The following PACS2 variants were observed in gnomAD, a reference collection of about 807,000 sequenced individuals.
The protein encoded by PACS2 is PACS1-like protein.
A neutral mutation model predicts 113.0 loss-of-function variants in PACS2; 36 were observed. That is an observed-to-expected ratio of 0.32 (90% CI 0.24 to 0.42). The LOEUF (loss-of-function observed/expected upper bound fraction) is 0.42. PACS2 is among the 10% of genes least tolerant of loss of function. The probability of loss-of-function intolerance (pLI) is 1.00; values close to 1 mark genes in which losing one functional copy is unlikely to be tolerated. For synonymous variants in PACS2, 589 were observed against 536.1 expected, an observed-to-expected ratio of 1.10 and a Z score of -1.36; for missense variants, 1,015 against 1,239.5, an observed-to-expected ratio of 0.82 and a Z score of 2.72.
intron 1 of PACS2, among the ~76,000 whole-genome samples, chr14:105,345,411 A>G (rs2059889233): frequency 6.6e-6 from 1 of 151,300 alleles, no homozygotes; most frequent in African/African-American, 2.4e-5. Flanking sequence ...CGTCTTGAGA[A>G]AAAAAAAAAT....
At chr14:105,334,176 T>C in intron 1 of PACS2, among the ~76,000 whole-genome samples, 1 of 152,208 alleles carries the variant, frequency 6.6e-6, no homozygotes, top group East Asian at 1.9e-4. Context: ...CCTCCTGCGT[T>C]GGGCTCATCT....
intron 1 of PACS2, among the ~76,000 whole-genome samples, chr14:105,341,612 C>G (rs181258377): frequency 6.6e-6 from 1 of 152,206 alleles, no homozygotes; most frequent in Non-Finnish European, 1.5e-5. Flanking sequence ...CTTTAGGCCT[C>G]GCTCTCAGAA....
At position 105,397,269 on chromosome 14, in the gene PACS2, G is replaced by A. The variant is rs782017370; in HGVS notation, c.*2597G>A. On this transcript the variant is annotated 3_prime_UTR_variant, in exon 25 of 25. Transcript: ENST00000447393. ...CCTACCTCACAGAGCTGTTCTGAGGGTGCATGGAGGAGCACTCTGTCCCAC... is the reference window on the plus strand; with the variant it reads ...CCTACCTCACAGAGCTGTTCTGAGGATGCATGGAGGAGCACTCTGTCCCAC... 1.3e-5 allele frequency: 2 copies of A among 152,364 alleles called. No homozygotes were observed. The highest frequency in any genetic ancestry group is 4.8e-5 in the African/African-American group (2 of 41,458). The allele number at this position is 152,364 out of a possible 1,614,324, so 9.4% of individuals were successfully genotyped here.
Position 105,355,012 on chromosome 14 carries a change from C to G in PACS2, c.298-40C>G, listed in dbSNP as rs782483501. On this transcript the variant is annotated intron_variant, in intron 3 of 24. Coordinates refer to ENST00000447393, the MANE Select transcript of PACS2 (RefSeq NM_001100913.3). The surrounding 1 kb of genome is among the most constrained non-coding windows in gnomAD (Gnocchi z 4.1). ...AGAGGCCGTGATGCTGCCTGGGGCC[C>G]CGGTGCACCCTCAGCTGCCACTCGC... 4 of 1,603,714 alleles carry G rather than the reference C, an allele frequency of 2.5e-6. 1 individual carries two copies. The South Asian group carries it at 4.5e-5, about 18-fold the overall frequency.
In PACS2 at chr14:105,356,041, G is replaced by T. The variant is rs782781120; in HGVS notation, c.423+864G>T. 1.3e-5 allele frequency among the ~76,000 whole-genome samples: 2 copies of T among 152,160 alleles called. No individual in the cohort carries two copies. Among genetic ancestry groups the T allele is most frequent in the Non-Finnish European group, 2.9e-5 (2 of 68,016 alleles). On this transcript the variant is annotated intron_variant, in intron 4 of 24. Coordinates refer to ENST00000447393, the MANE Select transcript of PACS2 (RefSeq NM_001100913.3). The surrounding 1 kb of genome is among the most constrained non-coding windows in gnomAD (Gnocchi z 4.0). ...CTGGGGCCTGGGAAGGTCAGCCAGC[G>T]CAGCCCCTCATTGGGAGCCGGAGAT...
At chr14:105,327,002 C>T (rs777149286) in intron 1 of PACS2, among the ~76,000 whole-genome samples, 6 of 152,216 alleles carry the variant, frequency 3.9e-5, no homozygotes, top group Admixed American at 6.5e-5. Context: ...TCACTACACC[C>T]GAATCGACGC....
At position 105,384,995 on chromosome 14, in the gene PACS2, G is replaced by A. The variant is rs370253360; in HGVS notation, c.2000+8G>A. The A allele has an allele frequency of 1.3e-5, 20 of 1,501,448 alleles. No individual in the cohort carries two copies. Among genetic ancestry groups the A allele is most frequent in the African/African-American group, 1.1e-4 (8 of 72,572 alleles). 93.0% of individuals were successfully genotyped at this position (1,501,448 alleles called of 1,614,324 possible). A position where few individuals can be genotyped will look rare whatever the true frequency, so the allele number is the denominator to read the frequency against. ...GACCTACAAGCAGAAGAGGTAACGC[G>A]GTGGGCCCAGGCACCATACCACAGG... On this transcript the variant is annotated splice_region_variant and intron_variant, in intron 18 of 24. Coordinates refer to ENST00000447393, the MANE Select transcript of PACS2 (RefSeq NM_001100913.3).
At chr14:105,360,352 CAATATGGTGA>C (rs1322090169) in intron 4 of PACS2, among the ~76,000 whole-genome samples, 1 of 151,726 alleles carries the variant, frequency 6.6e-6, no homozygotes, top group Admixed American at 6.6e-5. Context: ...CCAGCCTGGC[CAATATGGTGA>C]AATGTCGTCT....
intron 8 of PACS2, chr14:105,371,255 A>T (rs2061141538): frequency 6.6e-6 from 1 of 152,278 alleles, no homozygotes; most frequent in Non-Finnish European, 1.5e-5. Flanking sequence ...GACTTAGCCA[A>T]GTCGGCTCCC....
chr14:105,391,228 G>A lies in PACS2; in HGVS notation c.2098G>A (p.Glu700Lys), dbSNP rs587750276. 6.2e-6 allele frequency: 10 copies of A among 1,613,406 alleles called. No individual in the cohort carries two copies. In the South Asian group the frequency reaches 1.1e-4, roughly 18 times the overall value. ...FVGVVKVGIV[E>K]PSSATSGDSD... ...CTAGGTTGTGAAGGTTGGAATTGTG[G>A]AGCCATCCTCGGCCACATCAGGTAA... Residue 700 changes from glutamate to lysine, a missense_variant, in exon 21 of 25, where the codon GAG becomes AAG. Glu to Lys is a moderately conservative substitution (Grantham distance 56, BLOSUM62 1). Coordinates refer to ENST00000447393, the MANE Select transcript of PACS2 (RefSeq NM_001100913.3).
In PACS2 at chr14:105,370,184, T is replaced by A. The variant is rs1555409065; in HGVS notation, c.801+284T>A. On this transcript the variant is annotated intron_variant, in intron 8 of 24. Coordinates refer to ENST00000447393, the MANE Select transcript of PACS2 (RefSeq NM_001100913.3). ...CCATTAGTTTGTGTGTTTTTTTTTTTATAAATAGACTTTAGTTTTTAGAGC... is the reference window on the plus strand; with the variant it reads ...CCATTAGTTTGTGTGTTTTTTTTTTAATAAATAGACTTTAGTTTTTAGAGC... 1.2e-5 allele frequency: 4 copies of A among 326,186 alleles called. No homozygotes were observed. The East Asian group carries it at 1.7e-4, about 14-fold the overall frequency. 20.2% of individuals were successfully genotyped at this position (326,186 alleles called of 1,614,324 possible).
At chr14:105,313,569 T>G (rs1025468952), upstream of PACS2, among the ~76,000 whole-genome samples, 1 of 152,196 alleles carries the variant, frequency 6.6e-6, no homozygotes, top group Non-Finnish European at 1.5e-5. Flanking sequence ...CTGAGCTCTC[T>G]CAACGGAGGA....
chr14:105,376,692 T>C lies in PACS2; in HGVS notation c.802-76T>C. The C allele has an allele frequency of 1.4e-6, 2 of 1,440,312 alleles. No individual in the cohort carries two copies. Among genetic ancestry groups the C allele is most frequent in the Admixed American group, 1.9e-5 (1 of 53,386 alleles). The allele number at this position is 1,440,312 out of a possible 1,614,324, so 89.2% of individuals were successfully genotyped here. A position where few individuals can be genotyped will look rare whatever the true frequency, so the allele number is the denominator to read the frequency against. Reference sequence around the variant, plus strand: ...CCCGCCTCCTATTGCTCCTGCAGACTCTGGGGTCTCGGGCGCCCCCAGTGG... The same window carrying C: ...CCCGCCTCCTATTGCTCCTGCAGACCCTGGGGTCTCGGGCGCCCCCAGTGG... On this transcript the variant is annotated intron_variant, in intron 8 of 24. Transcript: ENST00000447393. This position sits in a 1 kb window ranked among gnomAD's most constrained non-coding sequence, Gnocchi z 4.7.
intron 17 of PACS2, 129 bp from the exon 18 acceptor site, chr14:105,384,750 C>T: frequency 1.5e-6 from 1 of 677,820 alleles, no homozygotes; most frequent in Non-Finnish European, 2.7e-6. Flanking sequence ...CCCTCAGCTG[C>T]AACCAGCGAG....
rs1555405286 is a variant in PACS2 at position 105,356,185 on chromosome 14, C to T, written c.423+1008C>T. ...CCCCCACACCCCCAGGCCCAGCCTG[C>T]AGGCCTCCTGTCTCCCAGGTCAAGC... is the stretch of plus-strand genomic sequence containing the variant. On this transcript the variant is annotated intron_variant, in intron 4 of 24. Coordinates refer to ENST00000447393, the MANE Select transcript of PACS2 (RefSeq NM_001100913.3). The surrounding 1 kb of genome is among the most constrained non-coding windows in gnomAD (Gnocchi z 4.0). 1.3e-5 allele frequency among the ~76,000 whole-genome samples: 2 copies of T among 152,138 alleles called. No individual in the cohort carries two copies. The highest frequency in any genetic ancestry group is 2.9e-5 in the Non-Finnish European group (2 of 68,004).
At chr14:105,378,278 T>G (rs587756183) in intron 9 of PACS2, among the ~76,000 whole-genome samples, 1 of 152,312 alleles carries the variant, frequency 6.6e-6, no homozygotes, top group Admixed American at 6.5e-5. Context: ...ATTCATAGTT[T>G]GAGGAGAGGC....
intron 1 of PACS2, among the ~76,000 whole-genome samples, chr14:105,308,965 C>A (rs761264058): frequency 4.0e-5 from 6 of 151,732 alleles, no homozygotes; most frequent in Non-Finnish European, 8.8e-5. Flanking sequence ...CAGAGCAAGA[C>A]CCTGTCAAGA....
At chr14:105,327,202 C>G (rs933272763) in intron 1 of PACS2, among the ~76,000 whole-genome samples, 3 of 152,198 alleles carry the variant, frequency 2.0e-5, no homozygotes, top group African/African-American at 4.8e-5. Context: ...GCGTGCCTGA[C>G]CTGGCCACAC....
chr14:105,362,416 CAAA>C (rs1157752286), intron 4 of PACS2, among the ~76,000 whole-genome samples: 1 of 68,112 alleles, frequency 1.5e-5, no homozygotes. Flanking sequence ...GACTCCGTCT[CAAA>C]AAAAAAAAAA....
Sources: allele counts gnomAD v4.1 joint callset (sites outside exome capture counted in the v4.1 genomes callset), GRCh38; gene constraint gnomAD v4.1.1; non-coding constraint Gnocchi (gnomAD v3.1); transcripts MANE v1.5; gene names NCBI Gene and HGNC (gene_info 2026-07-23, HGNC 2026-07-21).